SFMBT2: variants seen among roughly 807,000 people sequenced by gnomAD.
SFMBT2 encodes the protein scm-like with four MBT domains protein 2.
A neutral mutation model predicts 110.1 loss-of-function variants in SFMBT2; 38 were observed. That is an observed-to-expected ratio of 0.35 (90% CI 0.27 to 0.45). SFMBT2 has a LOEUF of 0.45. SFMBT2 is among the 20% of genes least tolerant of loss of function. SFMBT2 has a pLI of 1.00. For synonymous variants in SFMBT2, 425 were observed against 425.4 expected (o/e 1.00, Z 0.01); for missense variants, 1,011 against 1,094.9 (o/e 0.92, Z 1.08).
At chr10:7,256,609 T>C (rs1479008539) in intron 7 of SFMBT2, among the ~76,000 whole-genome samples, 1 of 152,244 alleles carries the variant, frequency 6.6e-6, no homozygotes, top group South Asian at 2.1e-4. Context: ...AGGAAATATG[T>C]GCAGCAAAAT....
At chr10:7,228,754 CTCT>C (rs1564395525) in intron 9 of SFMBT2, among the ~76,000 whole-genome samples, 1 of 96,740 alleles carries the variant, frequency 1.0e-5, no homozygotes, top group African/African-American at 3.3e-5. Flanking sequence ...CTCTCTCTCT[CTCT>C]CTCTCTCTCT....
At chr10:7,345,318 G>C (rs1361434796) in intron 4 of SFMBT2, among the ~76,000 whole-genome samples, 4 of 152,228 alleles carry the variant, frequency 2.6e-5, no homozygotes, top group African/African-American at 7.2e-5. Context: ...ACAGAAATAA[G>C]AAAATTACAG....
intron 1 of SFMBT2, among the ~76,000 whole-genome samples, chr10:7,385,751 G>C (rs888276131): frequency 1.3e-5 from 2 of 152,136 alleles, no homozygotes; most frequent in African/African-American, 4.8e-5. Context: ...TGTAATCCCA[G>C]CACTTTGGGA....
intron 15 of SFMBT2, 82 bp downstream of exon 15, chr10:7,197,466 A>G: frequency 2.6e-6 from 4 of 1,515,604 alleles, no homozygotes; most frequent in Non-Finnish European, 3.6e-6. Context: ...TCCAATGCCT[A>G]TTCCCTCCTT....
intron 1 of SFMBT2, among the ~76,000 whole-genome samples, chr10:7,386,518 G>T (rs1351937643): frequency 6.6e-6 from 1 of 152,064 alleles, no homozygotes. Flanking sequence ...TGTGGCACAA[G>T]AATTGCTTGA....
At chr10:7,169,936 T>C (rs146740864) in intron 20 of SFMBT2, among the ~76,000 whole-genome samples, 1 of 152,208 alleles carries the variant, frequency 6.6e-6, no homozygotes, top group Non-Finnish European at 1.5e-5. Context: ...CATACCATGG[T>C]CTTAAAAATA....
rs1212203376 is a variant in SFMBT2 at position 7,203,551 on chromosome 10, GCACC to G, written c.1445-1033_1445-1030del. 1.1e-5 allele frequency: 4 copies of G among 354,172 alleles called. No individual in the cohort carries two copies. The East Asian group carries it at 6.7e-4, about 59-fold the overall frequency. 21.9% of individuals were successfully genotyped at this position (354,172 alleles called of 1,614,324 possible). ...TGCTCCAGAAAAACCCAAAGCACTTGCACCCTCCCAAATCCATGTGAAGAGGGGA... is the reference window on the plus strand; with the variant it reads ...TGCTCCAGAAAAACCCAAAGCACTTGCTCCCAAATCCATGTGAAGAGGGGA... On this transcript the variant is annotated intron_variant, in intron 12 of 20. Coordinates refer to ENST00000397167, the MANE Select transcript of SFMBT2 (RefSeq NM_001387889.1).
intron 8 of SFMBT2, among the ~76,000 whole-genome samples, chr10:7,248,221 T>A (rs971681740): frequency 6.6e-6 from 1 of 152,158 alleles, no homozygotes; most frequent in African/African-American, 2.4e-5. Flanking sequence ...TATAAACAGA[T>A]CATATTTACT....
chr10:7,300,267 G>A (rs1006617388), intron 4 of SFMBT2, among the ~76,000 whole-genome samples: 9 of 151,302 alleles, frequency 5.9e-5, no homozygotes, highest in South Asian at 2.1e-4. Context: ...AAACCTGCAC[G>A]TTCTGCACAT....
rs879413501 is a variant in SFMBT2 at position 7,315,100 on chromosome 10, GAAAGAAAGAAAAAGCA to G, written c.437-29162_437-29147del. 3.0e-3 allele frequency among the ~76,000 whole-genome samples: 433 copies of G among 144,822 alleles called. 1 individual carries two copies. The highest frequency in any genetic ancestry group is 4.4e-3 in the African/African-American group (177 of 39,884). On this transcript the variant is annotated intron_variant, in intron 4 of 20. Transcript: ENST00000397167. Reference sequence around the variant, plus strand: ...AGAAAGAAAGAAAGAAAGAAAGAAAGAAAGAAAGAAAAAGCAAGCAAGCAAGCCAGCCAATCCGGCA... The same window carrying G: ...AGAAAGAAAGAAAGAAAGAAAGAAAGAGCAAGCAAGCCAGCCAATCCGGCA...
intron 7 of SFMBT2, among the ~76,000 whole-genome samples, chr10:7,269,788 T>C (rs1377942886): frequency 1.3e-5 from 2 of 150,338 alleles, no homozygotes; most frequent in Non-Finnish European, 3.0e-5. Flanking sequence ...CAAAGAATAC[T>C]GCTTGCTAGA....
In SFMBT2 at chr10:7,188,642, T is replaced by G. The variant is rs1164641904; in HGVS notation, c.1790A>C (p.Glu597Ala). The G allele has an allele frequency of 6.2e-7, 1 of 1,613,710 alleles. No individual in the cohort carries two copies. Among genetic ancestry groups the G allele is most frequent in the Non-Finnish European group, 8.5e-7 (1 of 1,179,740 alleles). The change falls in exon 16 of 21, where the codon GAA becomes GCA. Residue 597 changes from glutamate (E) to alanine (A), a missense_variant. By Grantham distance (107) the Glu-to-Ala change is moderately radical. Around this residue, in one of 2 missense-constraint regions of SFMBT2, gnomAD observed 979 missense variants for 1,016.1 expected, o/e 0.96. Transcript: ENST00000397167. ...LVEDPHWNFQ[E>A]ETLKAKYRGK... ...CACTTACTTGGCCTTCAGCGTCTCT[T>G]CCTGGAAATTCCAGTGGGGATCTTC...
At chr10:7,283,601 A>G (rs1187655142) in intron 6 of SFMBT2, among the ~76,000 whole-genome samples, 3 of 152,216 alleles carry the variant, frequency 2.0e-5, no homozygotes, top group South Asian at 2.1e-4. Flanking sequence ...TTCCTAAAGA[A>G]AAACGTGGAG....
At chr10:7,174,291 T>C (rs765164252) in intron 17 of SFMBT2, among the ~76,000 whole-genome samples, 1 of 152,248 alleles carries the variant, frequency 6.6e-6, no homozygotes, top group Non-Finnish European at 1.5e-5. Context: ...AGCAAGCCTC[T>C]GTCCCCTCCC....
At chr10:7,210,187 C>T (rs995888625) in intron 11 of SFMBT2, among the ~76,000 whole-genome samples, 3 of 152,138 alleles carry the variant, frequency 2.0e-5, no homozygotes, top group African/African-American at 7.2e-5. Flanking sequence ...ACGGCTCCAC[C>T]CAGCCGATGA....
rs765895886 is a variant in SFMBT2, at chr10:7,163,751, C to G, written c.*19G>C. 6.2e-7 allele frequency: 1 copy of G among 1,607,206 alleles called. No individual in the cohort carries two copies. Among genetic ancestry groups the G allele is most frequent in the African/African-American group, 1.3e-5 (1 of 74,792 alleles). On this transcript the variant is annotated 3_prime_UTR_variant, in exon 21 of 21. Coordinates refer to ENST00000397167, the MANE Select transcript of SFMBT2 (RefSeq NM_001387889.1). This position sits in a 1 kb window ranked among gnomAD's most constrained non-coding sequence, Gnocchi z 4.8. ...AACACCGCATCCCAGCAATAATGGG[C>G]CACCTCCCGAGGGCAGACTCAGTTG...
chr10:7,220,356 A>G (rs1377133732), intron 11 of SFMBT2, 55 bp downstream of exon 11: 1 of 1,554,008 alleles, frequency 6.4e-7, no homozygotes. Flanking sequence ...ACACGTTGCC[A>G]TTTCGACAAA....
At chr10:7,286,501 T>C in intron 4 of SFMBT2, 1 of 258,434 alleles carries the variant, frequency 3.9e-6, no homozygotes, top group Non-Finnish European at 6.0e-6. Context: ...CATCCCTGGG[T>C]TCAATTCAAC....
intron 7 of SFMBT2, among the ~76,000 whole-genome samples, chr10:7,261,630 A>T (rs1274532369): frequency 1.3e-5 from 2 of 152,338 alleles, no homozygotes; most frequent in African/African-American, 4.8e-5. Flanking sequence ...TGTGATCTAG[A>T]GACTTTGCAG....
Sources: gnomAD v4.1 joint callset for allele counts (sites outside exome capture counted in the v4.1 genomes callset) on GRCh38, gnomAD v4.1.1 for gene constraint, gnomAD v4.1.1 regional missense constraint, Gnocchi (gnomAD v3.1) non-coding constraint, MANE v1.5 for transcripts, NCBI Gene and HGNC (gene_info 2026-07-23, HGNC 2026-07-21) for gene names.